The following ANKRD31 variants were observed in gnomAD, a reference collection of about 807,000 sequenced individuals.
ANKRD31 encodes ankyrin repeat domain 31.
A neutral mutation model predicts 186.0 loss-of-function variants in ANKRD31; 147 were observed. The observed-to-expected ratio is 0.79, with a 90% CI of 0.69 to 0.91. The LOEUF is 0.91. ANKRD31 is among the 40% of genes least tolerant of loss of function. The pLI is 0.00. For missense variants in ANKRD31, 1,986 were observed against 2,148.8 expected, an observed-to-expected ratio of 0.92 and a Z score of 1.50; for synonymous variants, 673 against 736.4, an observed-to-expected ratio of 0.91 and a Z score of 1.39.
intron 25 of ANKRD31, among the ~76,000 whole-genome samples, chr5:75,071,500 T>G (rs1744223704): frequency 6.7e-6 from 1 of 149,334 alleles, no homozygotes; most frequent in East Asian, 1.9e-4. Context: ...CTGTTTTGTT[T>G]TTTTTTTTTT....
rs1215865226 is a variant in ANKRD31, at chr5:75,146,220, T to A, written c.3191A>T (p.Glu1064Val). The A allele has an allele frequency of 2.8e-5, 43 of 1,536,376 alleles. No individual in the cohort carries two copies. Among genetic ancestry groups the A allele is most frequent in the Non-Finnish European group, 3.5e-6 (4 of 1,146,368 alleles). ...TTGGTCTCTGTCAATGTAATTCCTCTCAGTGTCACAATTCTTTGCCATCTT... is the reference window on the plus strand; with the variant it reads ...TTGGTCTCTGTCAATGTAATTCCTCACAGTGTCACAATTCTTTGCCATCTT... ...VEKMAKNCDT[E>V]RNYIDRDQKI... Residue 1064 changes from glutamate to valine, a missense_variant, in exon 14 of 26, where the codon GAG (glutamate) becomes GTG (valine). Physicochemically the swap from Glu to Val is moderately radical, Grantham distance 121. Transcript: ENST00000506364.
In ANKRD31 at chr5:75,165,998, G is replaced by A. The variant is rs551228730; in HGVS notation, c.1707+2981C>T. ...AACTTTTATTAGGTGAAATGATATC[G>A]CGAGTATGAAAAACTTTTTCTTATC... On this transcript the variant is annotated intron_variant, in intron 11 of 25. Transcript: ENST00000506364. Among the ~76,000 whole-genome samples the A allele has an allele frequency of 1.2e-3, 176 of 152,194 alleles. 1 individual carries two copies. The highest frequency in any genetic ancestry group is 1.7e-3 in the Non-Finnish European group (113 of 67,994).
intron 15 of ANKRD31, among the ~76,000 whole-genome samples, chr5:75,141,448 C>G (rs1427903898): frequency 6.6e-6 from 1 of 151,900 alleles, no homozygotes. Flanking sequence ...AAAAATCTCT[C>G]CCAGCTGGGC....
chr5:75,178,832 A>G (rs902773908), intron 10 of ANKRD31, among the ~76,000 whole-genome samples: 3 of 152,250 alleles, frequency 2.0e-5, no homozygotes, highest in Non-Finnish European at 4.4e-5. Flanking sequence ...GAACTAGAGA[A>G]GCAAGAGCAA....
chr5:75,154,857 G>C (rs1416058713), intron 11 of ANKRD31, among the ~76,000 whole-genome samples: 3 of 152,158 alleles, frequency 2.0e-5, no homozygotes, highest in East Asian at 3.9e-4. Context: ...TGGTGAAAAA[G>C]TGGTCAATCT....
chr5:75,127,242 G>A (rs1749330799), intron 17 of ANKRD31, among the ~76,000 whole-genome samples: 1 of 151,574 alleles, frequency 6.6e-6, no homozygotes, highest in Non-Finnish European at 1.5e-5. Flanking sequence ...CTCAATGCTT[G>A]TATTTTGTTC....
At chr5:75,156,612 T>C (rs1201786081) in intron 11 of ANKRD31, among the ~76,000 whole-genome samples, 2 of 152,212 alleles carry the variant, frequency 1.3e-5, no homozygotes, top group African/African-American at 2.4e-5. Flanking sequence ...TAGTGGCTTA[T>C]CTTCAATTAT....
intron 15 of ANKRD31, among the ~76,000 whole-genome samples, chr5:75,139,391 C>T (rs1750839371): frequency 6.6e-6 from 1 of 152,146 alleles, no homozygotes; most frequent in South Asian, 2.1e-4. Context: ...TGCCAAGTAA[C>T]AAACTATGGC....
At chr5:75,134,062 T>C (rs576844627) in intron 17 of ANKRD31, among the ~76,000 whole-genome samples, 4 of 151,330 alleles carry the variant, frequency 2.6e-5, no homozygotes, top group Non-Finnish European at 5.9e-5. Context: ...AAGAGAAAGC[T>C]GGAAAGATCA....
chr5:75,091,908 G>C (rs1405110164), intron 22 of ANKRD31, among the ~76,000 whole-genome samples: 1 of 152,128 alleles, frequency 6.6e-6, no homozygotes, highest in Non-Finnish European at 1.5e-5. Flanking sequence ...GAGAATGCTG[G>C]GATCCCAATC....
Position 75,192,735 on chromosome 5 carries a change from T to G in ANKRD31, c.1340A>C (p.Asn447Thr). The G allele has an allele frequency of 2.0e-6, 3 of 1,535,868 alleles. No homozygotes were observed. The highest frequency in any genetic ancestry group is 2.6e-6 in the Non-Finnish European group (3 of 1,146,288). ...ATTCTTGAACCTTGCTGAATGCATA[T>G]TCTTCTCTTTACCATCAATCATTAA... ...PALMIDGKEK[N>T]MHSARFKNGK... is the part of the protein sequence containing the mutation. The change falls in exon 9 of 26, where the codon AAT (asparagine) becomes ACT (threonine). Residue 447 changes from asparagine (N) to threonine (T), a missense_variant. Asn to Thr is a moderately conservative substitution (Grantham distance 65, BLOSUM62 0). Transcript: ENST00000506364.
chr5:75,116,478 A>G (rs1163247876), intron 19 of ANKRD31, 88 bp downstream of exon 19: 1 of 530,668 alleles, frequency 1.9e-6, no homozygotes, highest in African/African-American at 2.0e-5. Flanking sequence ...TAAAATGGAA[A>G]GTACTGCCAT....
intron 1 of ANKRD31, among the ~76,000 whole-genome samples, chr5:75,233,290 T>C (rs1384420990): frequency 6.6e-6 from 1 of 151,970 alleles, no homozygotes; most frequent in East Asian, 1.9e-4. Context: ...CTCGAACTCC[T>C]GACCTCAAGT....
At chr5:75,091,523 T>C (rs1745921181) in intron 22 of ANKRD31, 122 bp from the exon 23 acceptor site, 1 of 908,566 alleles carries the variant, frequency 1.1e-6, no homozygotes, top group Middle Eastern at 2.9e-4. Flanking sequence ...TATTTTTGTA[T>C]ATAAATTTAA....
intron 17 of ANKRD31, among the ~76,000 whole-genome samples, chr5:75,136,512 C>T (rs557428602): frequency 6.6e-6 from 1 of 152,296 alleles, no homozygotes; most frequent in South Asian, 2.1e-4. Flanking sequence ...AGTCAGGAAA[C>T]AACAGGTGCT....
intron 5 of ANKRD31, among the ~76,000 whole-genome samples, chr5:75,205,680 G>A (rs1420917411): frequency 1.3e-5 from 2 of 152,156 alleles, no homozygotes; most frequent in African/African-American, 2.4e-5. Context: ...AGCAAGAGAA[G>A]ACAGAGCTTT....
chr5:75,068,822 A>C (rs1743968014), intron 25 of ANKRD31, among the ~76,000 whole-genome samples, 158 bp from the exon 26 acceptor site: 1 of 152,204 alleles, frequency 6.6e-6, no homozygotes, highest in African/African-American at 2.4e-5. Context: ...TTCTGTACTC[A>C]AGACAAAGCT....
intron 3 of ANKRD31, among the ~76,000 whole-genome samples, chr5:75,220,117 A>G (rs1580583225): frequency 6.6e-6 from 1 of 152,198 alleles, no homozygotes; most frequent in East Asian, 1.9e-4. Context: ...AAGCAATCAC[A>G]AGAAAAACAA....
chr5:75,153,687 C>G (rs753007101), intron 12 of ANKRD31, among the ~76,000 whole-genome samples: 1 of 152,022 alleles, frequency 6.6e-6, no homozygotes, highest in African/African-American at 2.4e-5. Flanking sequence ...ACCAAAAAAT[C>G]TAACAAATGT....
Sources: allele counts gnomAD v4.1 joint callset (sites outside exome capture counted in the v4.1 genomes callset), GRCh38; gene constraint gnomAD v4.1.1; transcripts MANE v1.5; gene names NCBI Gene and HGNC (gene_info 2026-07-23, HGNC 2026-07-21).